STK25: variants seen among roughly 807,000 people sequenced by gnomAD.
STK25 encodes serine/threonine kinase 25.
Under a neutral mutation model 53.8 loss-of-function variants are expected in STK25, and 29 were observed. That is an observed-to-expected ratio of 0.54 (90% CI 0.40 to 0.74). The LOEUF (loss-of-function observed/expected upper bound fraction) is 0.74. Among genes scored for constraint, STK25 ranks in the 30% least tolerant of loss-of-function variants. The pLI is 0.00. For missense variants in STK25, 420 were observed against 568.0 expected, an observed-to-expected ratio of 0.74 and a Z score of 2.65; for synonymous variants, 247 against 238.3, an observed-to-expected ratio of 1.04 and a Z score of -0.33.
intron 5 of STK25, 32 bp downstream of exon 5, chr2:241,500,141 G>A (rs773086050): frequency 4.7e-5 from 75 of 1,583,212 alleles, no homozygotes; most frequent in South Asian, 4.5e-4. Context: ...GGCTCAGGAC[G>A]TTACAAGAGC....
At position 241,492,672 on chromosome 2, in the gene STK25, G is replaced by C. The variant is rs931690949; in HGVS notation, c.*2990C>G. The C allele has an allele frequency of 2.4e-6, 1 of 423,626 alleles. No individual in the cohort carries two copies. The highest frequency in any genetic ancestry group is 3.9e-5 in the Admixed American group (1 of 25,720). The allele number at this position is 423,626 out of a possible 1,614,324, so 26.2% of individuals were successfully genotyped here. A position where few individuals can be genotyped will look rare whatever the true frequency, so the allele number is the denominator to read the frequency against. Reference sequence around the variant, plus strand: ...CTGTTGGATGGGTTTGTGGATGGTTGGTTACTGAACACTGACTTTATTGTG... The same window carrying C: ...CTGTTGGATGGGTTTGTGGATGGTTCGTTACTGAACACTGACTTTATTGTG... On this transcript the variant is annotated 3_prime_UTR_variant, in exon 12 of 12. Coordinates refer to ENST00000316586, the MANE Select transcript of STK25 (RefSeq NM_001271977.2).
chr2:241,495,721 C>T lies in STK25; in HGVS notation c.1242-20G>A, dbSNP rs2065107432. 1 of 1,613,810 alleles carries T rather than the reference C, an allele frequency of 6.2e-7. No individual in the cohort carries two copies. The highest frequency in any genetic ancestry group is 1.3e-5 in the African/African-American group (1 of 74,944). On this transcript the variant is annotated intron_variant, in intron 11 of 11. Transcript: ENST00000316586. Reference sequence around the variant, plus strand: ...GAAAACCTGCAGAGAGAAGAGCCCACTGCTGCGTGCGTGCACCTCTGTGCC... The same window carrying T: ...GAAAACCTGCAGAGAGAAGAGCCCATTGCTGCGTGCGTGCACCTCTGTGCC...
chr2:241,494,326 T>C lies in STK25; in HGVS notation c.*1336A>G, dbSNP rs918694013. On this transcript the variant is annotated 3_prime_UTR_variant, in exon 12 of 12. Coordinates refer to ENST00000316586, the MANE Select transcript of STK25 (RefSeq NM_001271977.2). The surrounding 1 kb of genome is among the most constrained non-coding windows in gnomAD (Gnocchi z 4.9). ...CCAGGACCTAGTGCATGCCAGCAGC[T>C]ATCTGGGGCCCTGGGAAAAATGTGC... The C allele has an allele frequency of 1.2e-4, 47 of 390,858 alleles. No individual in the cohort carries two copies. Among genetic ancestry groups the C allele is most frequent in the Non-Finnish European group, 2.0e-4 (43 of 214,208 alleles). The allele number at this position is 390,858 out of a possible 1,614,324, so 24.2% of individuals were successfully genotyped here.
rs769442983 is a variant in STK25 at position 241,493,358 on chromosome 2, T to G, written c.*2304A>C. 1.4e-5 allele frequency: 22 copies of G among 1,613,916 alleles called. No individual in the cohort carries two copies. In the East Asian group the frequency reaches 4.7e-4, roughly 34 times the overall value. ...GCGTGAGCATCCCCAGGGAGGCCGA[T>G]GGCATACACAAAGACTATGTTTTCA... On this transcript the variant is annotated 3_prime_UTR_variant, in exon 12 of 12. Coordinates refer to ENST00000316586, the MANE Select transcript of STK25 (RefSeq NM_001271977.2).
chr2:241,507,554 C>T (rs1318049348), intron 2 of STK25, among the ~76,000 whole-genome samples: 2 of 152,256 alleles, frequency 1.3e-5, no homozygotes, highest in East Asian at 1.9e-4. Context: ...CAATCTCAGC[C>T]CCTCAGCGCC....
rs770078409 is a variant in STK25 at position 241,500,107 on chromosome 2, C to A, written c.427+66G>T. On this transcript the variant is annotated intron_variant, in intron 5 of 11. Transcript: ENST00000316586. ...CCACTAGCCACTTGCCCCTCACAGG[C>A]CCCGGCCTCTCTAAGGTCAGTGGGG... The A allele has an allele frequency of 3.5e-6, 5 of 1,421,766 alleles. No homozygotes were observed. In the East Asian group the frequency reaches 1.1e-4, roughly 32 times the overall value. 88.1% of individuals were successfully genotyped at this position (1,421,766 alleles called of 1,614,324 possible).
At position 241,495,579 on chromosome 2, in the gene STK25, C is replaced by T. The variant is rs2065099933; in HGVS notation, c.*83G>A. 4 of 1,509,524 alleles carry T rather than the reference C, an allele frequency of 2.6e-6. No individual in the cohort carries two copies. The Admixed American group carries it at 6.7e-5, about 25-fold the overall frequency. The allele number at this position is 1,509,524 out of a possible 1,614,324, so 93.5% of individuals were successfully genotyped here. A position where few individuals can be genotyped will look rare whatever the true frequency, so the allele number is the denominator to read the frequency against. On this transcript the variant is annotated 3_prime_UTR_variant, in exon 12 of 12. Coordinates refer to ENST00000316586, the MANE Select transcript of STK25 (RefSeq NM_001271977.2). The stretch of plus-strand genomic sequence containing the variant: ...CCTGCAGGCACGACATAGCACAGGG[C>T]ACCTTCCAAGTCAGCACAGTTCTTA...
Position 241,501,187 on chromosome 2 carries a change from C to G in STK25, c.261+291G>C. On this transcript the variant is annotated intron_variant, in intron 3 of 11. Coordinates refer to ENST00000316586, the MANE Select transcript of STK25 (RefSeq NM_001271977.2). This position sits in a 1 kb window ranked among gnomAD's most constrained non-coding sequence, Gnocchi z 5.3. ...CCCAGACACTGGCACCACCAGCCAC[C>G]TGCTCCTCACAGGCCCACTCACCAC... The G allele has an allele frequency of 1.8e-6, 1 of 554,854 alleles. No homozygotes were observed. Among genetic ancestry groups the G allele is most frequent in the Non-Finnish European group, 3.3e-6 (1 of 307,448 alleles). The allele number at this position is 554,854 out of a possible 1,614,324, so 34.4% of individuals were successfully genotyped here.
rs2064990231 is a variant in STK25, at chr2:241,493,115, G to C, written c.*2547C>G. ...AACCCTGCTCACCTGTGTCCCTTTTGTATTTTGGTTCTGCCCTCCCATGCT... is the reference window on the plus strand; with the variant it reads ...AACCCTGCTCACCTGTGTCCCTTTTCTATTTTGGTTCTGCCCTCCCATGCT... On this transcript the variant is annotated 3_prime_UTR_variant, in exon 12 of 12. Transcript: ENST00000316586. 2 of 1,137,812 alleles carry C rather than the reference G, an allele frequency of 1.8e-6. No individual in the cohort carries two copies. Among genetic ancestry groups the C allele is most frequent in the East Asian group, 2.4e-5 (1 of 42,454 alleles). The allele number at this position is 1,137,812 out of a possible 1,614,324, so 70.5% of individuals were successfully genotyped here. A position where few individuals can be genotyped will look rare whatever the true frequency, so the allele number is the denominator to read the frequency against.
chr2:241,492,840 T>G lies in STK25; in HGVS notation c.*2822A>C. 1.3e-6 allele frequency: 1 copy of G among 742,808 alleles called. No homozygotes were observed. The allele number at this position is 742,808 out of a possible 1,614,324, so 46.0% of individuals were successfully genotyped here. A position where few individuals can be genotyped will look rare whatever the true frequency, so the allele number is the denominator to read the frequency against. On this transcript the variant is annotated 3_prime_UTR_variant, in exon 12 of 12. Transcript: ENST00000316586. ...ACCAAGGCCTCAGCTGGAGAAAGCATGCAGAGGCTTAGTCTTGGGGAGCAA... is the reference window on the plus strand; with the variant it reads ...ACCAAGGCCTCAGCTGGAGAAAGCAGGCAGAGGCTTAGTCTTGGGGAGCAA...
chr2:241,501,390 C>T lies in STK25; in HGVS notation c.261+88G>A. The T allele has an allele frequency of 7.4e-7, 1 of 1,357,374 alleles. No individual in the cohort carries two copies. The allele number at this position is 1,357,374 out of a possible 1,614,324, so 84.1% of individuals were successfully genotyped here. Reference sequence around the variant, plus strand: ...GCACTGAACCGTCAAGACCGCCTTGCACCCTCTGGCATGTCACTCAGTCCC... The same window carrying T: ...GCACTGAACCGTCAAGACCGCCTTGTACCCTCTGGCATGTCACTCAGTCCC... On this transcript the variant is annotated intron_variant, in intron 3 of 11. Transcript: ENST00000316586. The surrounding 1 kb of genome is among the most constrained non-coding windows in gnomAD (Gnocchi z 5.3).
intron 7 of STK25, 70 bp from the exon 8 acceptor site, chr2:241,498,854 GCAGCCTGGACCGGGGCGGGCCCTCA>G: frequency 6.2e-7 from 1 of 1,607,902 alleles, no homozygotes; most frequent in Non-Finnish European, 8.5e-7. Context: ...CAAACGTGAG[GCAGCCTGGACCGGGGCGGGCCCTCA>G]CAGCTACAAG....
At chr2:241,503,982 T>C (rs1022951455) in intron 2 of STK25, 2 of 469,400 alleles carry the variant, frequency 4.3e-6, no homozygotes, top group South Asian at 1.6e-5. Context: ...GCCAATTAGC[T>C]GACCTCCCAG....
chr2:241,499,507 C>A, intron 5 of STK25, 93 bp from the exon 6 acceptor site: 2 of 1,486,216 alleles, frequency 1.3e-6, no homozygotes, highest in Non-Finnish European at 1.8e-6. Flanking sequence ...TCCACCTGGC[C>A]TCCTAGGGCA....
chr2:241,506,049 G>C (rs114714028), intron 2 of STK25, among the ~76,000 whole-genome samples: 1,550 of 152,342 alleles, frequency 0.01, 10 homozygotes, highest in Non-Finnish European at 0.014. Context: ...TAGCTGAGTG[G>C]TGATACAGTG....
In STK25 at chr2:241,496,325, C is replaced by A; in HGVS notation, c.1241+73G>T. 1 of 1,544,464 alleles carries A rather than the reference C, an allele frequency of 6.5e-7. No individual in the cohort carries two copies. Among genetic ancestry groups the A allele is most frequent in the South Asian group, 1.2e-5 (1 of 86,384 alleles). ...AAATGCAGCCACACCCACGAGTGAGCACTGGACCTCACCCCACGTCCAGCT... is the reference window on the plus strand; with the variant it reads ...AAATGCAGCCACACCCACGAGTGAGAACTGGACCTCACCCCACGTCCAGCT... On this transcript the variant is annotated intron_variant, in intron 11 of 11. Coordinates refer to ENST00000316586, the MANE Select transcript of STK25 (RefSeq NM_001271977.2). This position sits in a 1 kb window ranked among gnomAD's most constrained non-coding sequence, Gnocchi z 5.8.
intron 10 of STK25, 58 bp downstream of exon 10, chr2:241,497,558 C>G: frequency 6.4e-7 from 1 of 1,554,378 alleles, no homozygotes; most frequent in Non-Finnish European, 8.9e-7. Context: ...CTCCGTGCAA[C>G]AGTGTCACAG....
rs944285037 is a variant in STK25, at chr2:241,508,151, G to T, written c.-100-16C>A. On this transcript the variant is annotated splice_polypyrimidine_tract_variant and intron_variant, in intron 1 of 11. Transcript: ENST00000316586. ...CGTCAGTCCACTGCGAGGGACACCA[G>T]GGGCGCTCGGTGCCCAGTTCAGTCA... The T allele has an allele frequency of 6.8e-7, 1 of 1,472,050 alleles. No homozygotes were observed. Among genetic ancestry groups the T allele is most frequent in the Admixed American group, 2.5e-5 (1 of 40,190 alleles). The allele number at this position is 1,472,050 out of a possible 1,614,324, so 91.2% of individuals were successfully genotyped here.
chr2:241,496,539 G>C lies in STK25; in HGVS notation c.1105-5C>G. On this transcript the variant is annotated splice_region_variant and splice_polypyrimidine_tract_variant and intron_variant, in intron 10 of 11. Transcript: ENST00000316586. The surrounding 1 kb of genome is among the most constrained non-coding windows in gnomAD (Gnocchi z 5.8). ...CTGCTTGTGCTTCTCTTTGAGCTGT[G>C]AAAAGACCACCACGCCTGACCCTGG... The C allele has an allele frequency of 6.8e-6, 11 of 1,612,556 alleles. No homozygotes were observed. Among genetic ancestry groups the C allele is most frequent in the Non-Finnish European group, 8.5e-6 (10 of 1,179,230 alleles).
Sources: gnomAD v4.1 joint callset for allele counts (sites outside exome capture counted in the v4.1 genomes callset) on GRCh38, gnomAD v4.1.1 for gene constraint, Gnocchi (gnomAD v3.1) non-coding constraint, MANE v1.5 for transcripts, NCBI Gene and HGNC (gene_info 2026-07-23, HGNC 2026-07-21) for gene names.